Variants in AKAP13 observed in about 807,000 individuals in gnomAD.
The protein encoded by AKAP13 is A-kinase anchoring protein 13.
AKAP13 carries 80 observed loss-of-function variants against 264.5 expected under a neutral mutation model. That is an observed-to-expected ratio of 0.30 (90% CI 0.25 to 0.36). The LOEUF (loss-of-function observed/expected upper bound fraction) is 0.36. Among genes scored for constraint, AKAP13 ranks in the 10% least tolerant of loss-of-function variants. AKAP13 has a pLI of 1.00. For synonymous variants in AKAP13, 1,380 were observed against 1,250.2 expected (o/e 1.10, Z -2.19); for missense variants, 3,712 against 3,435.2 (o/e 1.08, Z -2.01).
intron 23 of AKAP13, among the ~76,000 whole-genome samples, chr15:85,719,796 G>A (rs746322130): frequency 1.3e-5 from 2 of 151,852 alleles, no homozygotes; most frequent in Admixed American, 1.3e-4. Flanking sequence ...TTAGCCAGGC[G>A]TGGTGGCATA....
In AKAP13 at chr15:85,447,266, A is replaced by AAAAT. The variant is rs1293291697; in HGVS notation, c.-11-38427_-11-38424dup. 3.9e-5 allele frequency among the ~76,000 whole-genome samples: 6 copies of AAAAT among 152,000 alleles called. No homozygotes were observed. The East Asian group carries it at 7.7e-4, about 20-fold the overall frequency. ...TGGTGACAGAGTGAGATTCCATCTC[A>AAAAT]AAATAAATAAATAAATAAATCTGTT... On this transcript the variant is annotated intron_variant, in intron 1 of 36. Coordinates refer to ENST00000394518, the MANE Select transcript of AKAP13 (RefSeq NM_007200.5).
At chr15:85,740,100 A>T in intron 33 of AKAP13, 122 bp from the exon 34 acceptor site, 1 of 995,216 alleles carries the variant, frequency 1.0e-6, no homozygotes, top group African/African-American at 1.6e-5. Flanking sequence ...AAAATATTTC[A>T]TAAAGATATA....
At chr15:85,651,673 A>G (rs1477575075) in intron 10 of AKAP13, 1 of 152,190 alleles carries the variant, frequency 6.6e-6, no homozygotes, top group Admixed American at 6.5e-5. Flanking sequence ...GTTTGTACGC[A>G]GCCTGCAGCA....
intron 17 of AKAP13, among the ~76,000 whole-genome samples, chr15:85,704,649 G>T (rs1291322715): frequency 6.6e-6 from 1 of 152,054 alleles, no homozygotes; most frequent in East Asian, 1.9e-4. Context: ...CCTTTTTGAA[G>T]AATTTTAAAA....
intron 1 of AKAP13, among the ~76,000 whole-genome samples, chr15:85,401,006 T>C (rs1201557408): frequency 6.6e-6 from 1 of 151,960 alleles, no homozygotes; most frequent in Non-Finnish European, 1.5e-5. Context: ...GGATCACATG[T>C]GTGTGTCACC....
Position 85,741,039 on chromosome 15 carries a change from C to T in AKAP13, c.7609-7C>T, listed in dbSNP as rs981303539. On this transcript the variant is annotated splice_region_variant and splice_polypyrimidine_tract_variant and intron_variant, in intron 34 of 36. Coordinates refer to ENST00000394518, the MANE Select transcript of AKAP13 (RefSeq NM_007200.5). ...AGTTGCAGGGCTCCCCTCTGTGTGC[C>T]TCCCAGGGTGTGGTGCTGCAGCAGG... is the stretch of plus-strand genomic sequence containing the variant. 6.3e-7 allele frequency: 1 copy of T among 1,599,154 alleles called. No individual in the cohort carries two copies. Among genetic ancestry groups the T allele is most frequent in the Non-Finnish European group, 8.5e-7 (1 of 1,171,590 alleles).
chr15:85,667,106 TAAAC>T (rs2083647891), intron 13 of AKAP13, among the ~76,000 whole-genome samples: 1 of 152,192 alleles, frequency 6.6e-6, no homozygotes, highest in South Asian at 2.1e-4. Flanking sequence ...CATTTCTAAT[TAAAC>T]AAAAACATTG....
intron 14 of AKAP13, 72 bp from the exon 15 acceptor site, chr15:85,682,086 A>AT (rs2084633239): frequency 2.1e-6 from 3 of 1,409,724 alleles, no homozygotes; most frequent in African/African-American, 2.8e-5. Flanking sequence ...GTCATTGTGA[A>AT]TTTATAAATA....
chr15:85,494,190 CTCTA>C (rs1015210044), intron 2 of AKAP13, among the ~76,000 whole-genome samples: 12 of 152,040 alleles, frequency 7.9e-5, no homozygotes, highest in Non-Finnish European at 1.3e-4. Context: ...AGTTAATGGG[CTCTA>C]TCTATCACCA....
chr15:85,698,025 G>T (rs529822698), intron 17 of AKAP13, among the ~76,000 whole-genome samples: 5 of 152,130 alleles, frequency 3.3e-5, no homozygotes, highest in African/African-American at 1.2e-4. Context: ...ACCCACAGTG[G>T]CTTAAAAAAA....
At chr15:85,670,485 T>C (rs2083866664) in intron 14 of AKAP13, among the ~76,000 whole-genome samples, 1 of 150,198 alleles carries the variant, frequency 6.7e-6, no homozygotes, top group Non-Finnish European at 1.5e-5. Context: ...ATTATCCAAA[T>C]CAGGAAATTA....
chr15:85,685,878 C>A (rs992033081), intron 16 of AKAP13, among the ~76,000 whole-genome samples: 2 of 152,010 alleles, frequency 1.3e-5, no homozygotes, highest in African/African-American at 4.8e-5. Context: ...CTGGAATAAC[C>A]CCGCTTAGAG....
intron 8 of AKAP13, among the ~76,000 whole-genome samples, chr15:85,625,779 A>G (rs1272223348): frequency 1.3e-5 from 2 of 152,222 alleles, no homozygotes; most frequent in Admixed American, 6.5e-5. Flanking sequence ...GCACTCTGAC[A>G]GTGTTTCAAA....
Position 85,450,115 on chromosome 15 carries a change from G to A in AKAP13, c.-11-35595G>A, listed in dbSNP as rs2150976341. ...TGGAGCTCATTATTGGTCTGTTTAG[G>A]GAATAAATTTATTCCTTGCTCAGTC... is the stretch of plus-strand genomic sequence containing the variant. On this transcript the variant is annotated intron_variant, in intron 1 of 36. Transcript: ENST00000394518. 1.3e-5 allele frequency among the ~76,000 whole-genome samples: 2 copies of A among 151,822 alleles called. 1 individual carries two copies. The highest frequency in any genetic ancestry group is 1.3e-4 in the Admixed American group (2 of 15,248).
At chr15:85,743,351 C>T in intron 35 of AKAP13, 141 bp from the exon 36 acceptor site, 2 of 801,816 alleles carry the variant, frequency 2.5e-6, no homozygotes, top group Non-Finnish European at 3.9e-6. Flanking sequence ...ATGCAGTCCA[C>T]AGACGTGAGC....
chr15:85,399,525 AAAAAATAAAAAAATAAAT>A (rs2071309647), intron 1 of AKAP13, among the ~76,000 whole-genome samples: 2 of 102,136 alleles, frequency 2.0e-5, no homozygotes, highest in African/African-American at 7.4e-5. Context: ...AAAAAAAATA[AAAAAATAAAAAAATAAAT>A]AAATAAATAA....
Position 85,629,443 on chromosome 15 carries a change from A to T in AKAP13, c.4162-9931A>T, listed in dbSNP as rs78937686. 8.6e-3 allele frequency among the ~76,000 whole-genome samples: 1,307 copies of T among 152,314 alleles called. 8 individuals are homozygous for T. The highest frequency in any genetic ancestry group is 0.019 in the South Asian group (94 of 4,832). On this transcript the variant is annotated intron_variant, in intron 8 of 36. Coordinates refer to ENST00000394518, the MANE Select transcript of AKAP13 (RefSeq NM_007200.5). ...GGAGTCTCTCCACTTTTTTCTTCAG[A>T]ATCACTGAGGATAATGAATTCAAAG...
intron 1 of AKAP13, among the ~76,000 whole-genome samples, chr15:85,447,248 A>C (rs565282882): frequency 6.6e-6 from 1 of 152,166 alleles, no homozygotes; most frequent in Non-Finnish European, 1.5e-5. Context: ...GCCTGGTGAC[A>C]GAGTGAGATT....
intron 2 of AKAP13, among the ~76,000 whole-genome samples, chr15:85,504,794 T>G (rs1290406708): frequency 1.3e-5 from 2 of 152,204 alleles, no homozygotes; most frequent in East Asian, 3.9e-4. Flanking sequence ...ATTGACCTAA[T>G]TAATAATTCT....
Sources: allele counts gnomAD v4.1 joint callset (sites outside exome capture counted in the v4.1 genomes callset), GRCh38; gene constraint gnomAD v4.1.1; transcripts MANE v1.5; gene names NCBI Gene and HGNC (gene_info 2026-07-23, HGNC 2026-07-21).